IQCM: variants seen among roughly 807,000 people sequenced by gnomAD.
The protein encoded by IQCM is IQ motif containing M, also known as IQ domain-containing protein M.
Under a neutral mutation model 57.6 loss-of-function variants are expected in IQCM, and 45 were observed. That is an observed-to-expected ratio of 0.78 (90% CI 0.62 to 1.00). The LOEUF is 1.00. Among genes scored for constraint, IQCM ranks in the 50% least tolerant of loss-of-function variants. The pLI, the probability that IQCM is intolerant of heterozygous loss-of-function variation, is 0.00. For synonymous variants in IQCM, 148 were observed against 158.9 expected (o/e 0.93, Z 0.51); for missense variants, 468 against 511.6 (o/e 0.91, Z 0.82).
intron 2 of IQCM, among the ~76,000 whole-genome samples, chr4:149,746,508 A>G (rs1223278773): frequency 6.6e-6 from 1 of 152,200 alleles, no homozygotes; most frequent in Non-Finnish European, 1.5e-5. Flanking sequence ...GTATCAGATC[A>G]TATTATTTCC....
At chr4:149,356,434 AAGGGATCC>A (rs777478884) in intron 13 of IQCM, among the ~76,000 whole-genome samples, 1 of 151,844 alleles carries the variant, frequency 6.6e-6, no homozygotes, top group Non-Finnish European at 1.5e-5. Flanking sequence ...AGGTGTAAGG[AAGGGATCC>A]AGTTTCAGCT....
At chr4:149,678,898 A>G (rs900788209) in intron 7 of IQCM, among the ~76,000 whole-genome samples, 2 of 151,726 alleles carry the variant, frequency 1.3e-5, no homozygotes, top group Non-Finnish European at 3.0e-5. Context: ...TGCTGATGAT[A>G]TGAAGAAAGA....
At chr4:149,438,546 C>T (rs1735596973) in intron 12 of IQCM, among the ~76,000 whole-genome samples, 1 of 151,978 alleles carries the variant, frequency 6.6e-6, no homozygotes, top group South Asian at 2.1e-4. Context: ...ATGTTGCATT[C>T]ATTTTGATTT....
chr4:149,758,201 T>C (rs1235337463), intron 2 of IQCM, among the ~76,000 whole-genome samples: 4 of 152,134 alleles, frequency 2.6e-5, no homozygotes, highest in Admixed American at 2.6e-4. Context: ...GAAAAATTAT[T>C]AATAGGGATA....
At chr4:149,511,181 A>G (rs1238889085) in intron 12 of IQCM, among the ~76,000 whole-genome samples, 3 of 152,080 alleles carry the variant, frequency 2.0e-5, no homozygotes, top group Non-Finnish European at 2.9e-5. Context: ...GCTGAGTTAA[A>G]TCTTATTCTT....
chr4:149,751,830 T>A (rs1015815696), intron 2 of IQCM, among the ~76,000 whole-genome samples: 5 of 151,884 alleles, frequency 3.3e-5, no homozygotes, highest in African/African-American at 1.2e-4. Context: ...AGCAGCAGAC[T>A]CGGGGAGGGT....
intron 7 of IQCM, among the ~76,000 whole-genome samples, chr4:149,627,885 G>T (rs1756946607): frequency 6.6e-6 from 1 of 152,106 alleles, no homozygotes; most frequent in Non-Finnish European, 1.5e-5. Flanking sequence ...TACTACAGAA[G>T]AGAAGATATG....
chr4:149,597,223 T>C (rs1753859180), intron 8 of IQCM, among the ~76,000 whole-genome samples: 1 of 151,722 alleles, frequency 6.6e-6, no homozygotes, highest in Admixed American at 6.6e-5. Flanking sequence ...AAAAGAGAAC[T>C]GATAATATAA....
intron 13 of IQCM, among the ~76,000 whole-genome samples, chr4:149,374,967 T>TTGTGTGTGTG (rs145080282): frequency 2.4e-5 from 3 of 125,308 alleles, no homozygotes; most frequent in African/African-American, 8.2e-5. Context: ...CACACTTTCT[T>TTGTGTGTGTG]TGTGTGTGTG....
At chr4:149,639,440 AAG>A (rs1757999948) in intron 7 of IQCM, among the ~76,000 whole-genome samples, 1 of 150,570 alleles carries the variant, frequency 6.6e-6, no homozygotes, top group African/African-American at 2.4e-5. Flanking sequence ...AAAAAAAAAA[AAG>A]AAGAAGAAGA....
chr4:149,414,626 C>T (rs1309586564), intron 13 of IQCM, among the ~76,000 whole-genome samples: 3 of 150,794 alleles, frequency 2.0e-5, no homozygotes, highest in Non-Finnish European at 4.4e-5. Flanking sequence ...TTTTTAAGTG[C>T]CCCCATGATA....
intron 2 of IQCM, among the ~76,000 whole-genome samples, chr4:149,794,943 T>C (rs1203111340): frequency 6.6e-6 from 1 of 152,106 alleles, no homozygotes; most frequent in Non-Finnish European, 1.5e-5. Context: ...ACCCTTTTAC[T>C]GGAATTAGGA....
At chr4:149,641,071 A>G (rs1299228003) in intron 7 of IQCM, among the ~76,000 whole-genome samples, 1 of 152,170 alleles carries the variant, frequency 6.6e-6, no homozygotes, top group Non-Finnish European at 1.5e-5. Flanking sequence ...AAGAGGTTGC[A>G]GTGAGCTATC....
At chr4:149,454,295 G>T (rs915031790) in intron 12 of IQCM, among the ~76,000 whole-genome samples, 1 of 151,546 alleles carries the variant, frequency 6.6e-6, no homozygotes, top group African/African-American at 2.4e-5. Flanking sequence ...CCATAAAATA[G>T]AGTGAGATCA....
chr4:149,644,827 G>A (rs1337025130), intron 7 of IQCM, among the ~76,000 whole-genome samples: 1 of 152,172 alleles, frequency 6.6e-6, no homozygotes, highest in African/African-American at 2.4e-5. Context: ...TAAAGTCTGT[G>A]TGAATAGTAC....
intron 11 of IQCM, among the ~76,000 whole-genome samples, chr4:149,550,522 A>C (rs571934342): frequency 6.6e-6 from 1 of 152,338 alleles, no homozygotes; most frequent in African/African-American, 2.4e-5. Flanking sequence ...GTACCTATTA[A>C]TATTATGACT....
chr4:149,711,022 A>C (rs1764521193), intron 5 of IQCM: 1 of 152,188 alleles, frequency 6.6e-6, no homozygotes, highest in South Asian at 2.1e-4. Flanking sequence ...GCAGGAAAGT[A>C]CTCAATTGCT....
At chr4:149,636,947 T>C (rs1401972292) in intron 7 of IQCM, among the ~76,000 whole-genome samples, 1 of 151,362 alleles carries the variant, frequency 6.6e-6, no homozygotes, top group Non-Finnish European at 1.5e-5. Context: ...ATCGAGACCA[T>C]CCTGGCTAAC....
intron 13 of IQCM, among the ~76,000 whole-genome samples, chr4:149,407,240 C>T (rs1486134638): frequency 6.6e-6 from 1 of 152,096 alleles, no homozygotes; most frequent in African/African-American, 2.4e-5. Context: ...TCCAGCTAAA[C>T]CATATCACAG....
Sources: allele counts gnomAD v4.1 joint callset (sites outside exome capture counted in the v4.1 genomes callset), GRCh38; gene constraint gnomAD v4.1.1; transcripts MANE v1.5; gene names NCBI Gene and HGNC (gene_info 2026-07-23, HGNC 2026-07-21).